RFTN1: variants seen among roughly 807,000 people sequenced by gnomAD.
RFTN1 encodes raftlin, lipid raft linker 1, also known as raftlin.
In RFTN1, 26 loss-of-function variants were observed where a neutral mutation model predicts 46.5. The observed-to-expected ratio is 0.56, with a 90% CI of 0.41 to 0.78. The LOEUF (loss-of-function observed/expected upper bound fraction) is 0.78, where lower values mean the gene tolerates loss of function less well. Ranked by LOEUF, RFTN1 falls within the 30% of genes least tolerant of loss-of-function variation. RFTN1 has a pLI of 0.00. For missense variants in RFTN1, 693 were observed against 718.7 expected (o/e 0.96, Z 0.41); for synonymous variants, 261 against 284.2 (o/e 0.92, Z 0.82).
At chr3:16,477,356 C>A (rs1286549766) in intron 2 of RFTN1, among the ~76,000 whole-genome samples, 1 of 152,138 alleles carries the variant, frequency 6.6e-6, no homozygotes, top group Non-Finnish European at 1.5e-5. Flanking sequence ...TTTTATTTTT[C>A]TGCTAGAGAG....
At chr3:16,318,884 A>G (rs555097474) in intron 9 of RFTN1, among the ~76,000 whole-genome samples, 11 of 152,202 alleles carry the variant, frequency 7.2e-5, no homozygotes, top group Non-Finnish European at 1.3e-4. Context: ...GAGGATCCCA[A>G]TAATGGAATC....
In RFTN1 at chr3:16,329,135, A is replaced by C. The variant is rs536309617; in HGVS notation, c.1147-2259T>G. 6.6e-6 allele frequency among the ~76,000 whole-genome samples: 1 copy of C among 152,324 alleles called. No individual in the cohort carries two copies. The highest frequency in any genetic ancestry group is 2.1e-4 in the South Asian group (1 of 4,828). On this transcript the variant is annotated intron_variant, in intron 7 of 9. Coordinates refer to ENST00000334133, the MANE Select transcript of RFTN1 (RefSeq NM_015150.2). The surrounding 1 kb of genome is among the most constrained non-coding windows in gnomAD (Gnocchi z 4.5). ...CTCAGGCAAAGGGCTTGAGGCTACAAGTTCAGTCTCCTGCTCTCTCCCCTC... is the reference window on the plus strand; with the variant it reads ...CTCAGGCAAAGGGCTTGAGGCTACACGTTCAGTCTCCTGCTCTCTCCCCTC...
chr3:16,435,917 A>ATATATATATATATAT (rs2075501448), intron 2 of RFTN1, among the ~76,000 whole-genome samples: 2 of 142,360 alleles, frequency 1.4e-5, no homozygotes, highest in African/African-American at 5.3e-5. Context: ...CAGAGATGTA[A>ATATATATATATATAT]ATATATATAT....
chr3:16,460,271 T>C lies in RFTN1; in HGVS notation c.146-26234A>G, dbSNP rs977661283. Among the ~76,000 whole-genome samples, 25 of 152,230 alleles carry C rather than the reference T, an allele frequency of 1.6e-4. No individual in the cohort carries two copies. Among genetic ancestry groups the C allele is most frequent in the Non-Finnish European group, 3.4e-4 (23 of 68,046 alleles). On this transcript the variant is annotated intron_variant, in intron 2 of 9. Coordinates refer to ENST00000334133, the MANE Select transcript of RFTN1 (RefSeq NM_015150.2). The surrounding 1 kb of genome is among the most constrained non-coding windows in gnomAD (Gnocchi z 4.8). Reference sequence around the variant, plus strand: ...TTTACTGGGATCTGGCAGGATGAGTTGCACATGGGTAGCATTTATATTAAC... The same window carrying C: ...TTTACTGGGATCTGGCAGGATGAGTCGCACATGGGTAGCATTTATATTAAC...
intron 8 of RFTN1, among the ~76,000 whole-genome samples, chr3:16,323,777 G>A (rs1243351852): frequency 6.6e-6 from 1 of 152,214 alleles, no homozygotes; most frequent in Admixed American, 6.5e-5. Context: ...ATCTCAAAGG[G>A]GCAGGGGCCT....
chr3:16,389,106 C>T (rs1286797212), intron 4 of RFTN1, among the ~76,000 whole-genome samples: 1 of 152,214 alleles, frequency 6.6e-6, no homozygotes. Flanking sequence ...TTCTTCCCCC[C>T]ACCATCCTCT....
intron 4 of RFTN1, among the ~76,000 whole-genome samples, chr3:16,390,473 C>T (rs892218526): frequency 9.9e-6 from 1 of 101,066 alleles, no homozygotes; most frequent in African/African-American, 2.9e-5. Context: ...AGCAGGTAGC[C>T]TTGAGGTAAA....
At chr3:16,416,291 CAG>C (rs926309755) in intron 3 of RFTN1, 35 of 431,942 alleles carry the variant, frequency 8.1e-5, no homozygotes, top group Admixed American at 6.4e-4. Context: ...TGCACATAAA[CAG>C]AGTGGTTCTG....
intron 4 of RFTN1, among the ~76,000 whole-genome samples, chr3:16,408,618 CACTAG>C (rs1360137461): frequency 7.6e-6 from 1 of 131,546 alleles, no homozygotes; most frequent in Non-Finnish European, 1.7e-5. Context: ...TCATATGGTT[CACTAG>C]TTCGGCTGTT....
At chr3:16,495,964 G>T (rs2076619063) in intron 1 of RFTN1, among the ~76,000 whole-genome samples, 1 of 152,150 alleles carries the variant, frequency 6.6e-6, no homozygotes, top group African/African-American at 2.4e-5. Context: ...CAAATATGGG[G>T]GTGGAGGCAA....
rs2075819758 is a variant in RFTN1 at position 16,451,315 on chromosome 3, A to G, written c.146-17278T>C. Among the ~76,000 whole-genome samples, 1 of 152,208 alleles carries G rather than the reference A, an allele frequency of 6.6e-6. No homozygotes were observed. The highest frequency in any genetic ancestry group is 1.5e-5 in the Non-Finnish European group (1 of 68,034). On this transcript the variant is annotated intron_variant, in intron 2 of 9. Transcript: ENST00000334133. The surrounding 1 kb of genome is among the most constrained non-coding windows in gnomAD (Gnocchi z 4.2). ...TTACCCACCACGTCAGATCCCCCAAAGCCTTCATTCCTTCCAGGACACATG... is the reference window on the plus strand; with the variant it reads ...TTACCCACCACGTCAGATCCCCCAAGGCCTTCATTCCTTCCAGGACACATG...
Position 16,468,458 on chromosome 3 carries a change from G to A in RFTN1, c.145+25267C>T, listed in dbSNP as rs567684250. Among the ~76,000 whole-genome samples, 134 of 152,170 alleles carry A rather than the reference G, an allele frequency of 8.8e-4. No homozygotes were observed. Among genetic ancestry groups the A allele is most frequent in the African/African-American group, 3.1e-3 (128 of 41,530 alleles). ...ACAACACTGACAGAGTGAAGGGCAC[G>A]TTTCTCCCTTTGGTGGGATTTTCTC... On this transcript the variant is annotated intron_variant, in intron 2 of 9. Transcript: ENST00000334133. The surrounding 1 kb of genome is among the most constrained non-coding windows in gnomAD (Gnocchi z 4.4).
chr3:16,454,570 T>A (rs1457097392), intron 2 of RFTN1, among the ~76,000 whole-genome samples: 2 of 152,216 alleles, frequency 1.3e-5, no homozygotes, highest in African/African-American at 4.8e-5. Context: ...CAGTTCCCAA[T>A]CAATTCATAA....
At chr3:16,485,232 T>G (rs1486395369) in intron 2 of RFTN1, among the ~76,000 whole-genome samples, 1 of 152,136 alleles carries the variant, frequency 6.6e-6, no homozygotes, top group African/African-American at 2.4e-5. Flanking sequence ...AGGAAAATGA[T>G]TCAACAAATT....
At chr3:16,354,790 T>C (rs1467712255) in intron 7 of RFTN1, among the ~76,000 whole-genome samples, 1 of 152,250 alleles carries the variant, frequency 6.6e-6, no homozygotes, top group African/African-American at 2.4e-5. Context: ...TCTCTCTTCC[T>C]GCATTTTACT....
At position 16,422,562 on chromosome 3, in the gene RFTN1, C is replaced by T. The variant is rs1055036022; in HGVS notation, c.332+11289G>A. Reference sequence around the variant, plus strand: ...AGGAGAATCACTTGAACCCGGGAGGCGGAAGTTGCAGTGAGCCGAGATTGT... The same window carrying T: ...AGGAGAATCACTTGAACCCGGGAGGTGGAAGTTGCAGTGAGCCGAGATTGT... On this transcript the variant is annotated intron_variant, in intron 3 of 9. Coordinates refer to ENST00000334133, the MANE Select transcript of RFTN1 (RefSeq NM_015150.2). This position sits in a 1 kb window ranked among gnomAD's most constrained non-coding sequence, Gnocchi z 4.6. 5.9e-5 allele frequency among the ~76,000 whole-genome samples: 9 copies of T among 151,442 alleles called. No homozygotes were observed. Among genetic ancestry groups the T allele is most frequent in the South Asian group, 2.1e-4 (1 of 4,790 alleles).
intron 4 of RFTN1, among the ~76,000 whole-genome samples, chr3:16,392,420 C>T (rs2074373405): frequency 6.6e-6 from 1 of 152,136 alleles, no homozygotes; most frequent in South Asian, 2.1e-4. Flanking sequence ...GGATCCCAGA[C>T]AGGAGGTGTC....
chr3:16,427,816 C>T lies in RFTN1; in HGVS notation c.332+6035G>A, dbSNP rs1325695831. On this transcript the variant is annotated intron_variant, in intron 3 of 9. Coordinates refer to ENST00000334133, the MANE Select transcript of RFTN1 (RefSeq NM_015150.2). The surrounding 1 kb of genome is among the most constrained non-coding windows in gnomAD (Gnocchi z 5.4). Reference sequence around the variant, plus strand: ...TCCCACTGTTTCTCTTTGGACACCACGTTCCACTTGTTCCACAATGTCAAT... The same window carrying T: ...TCCCACTGTTTCTCTTTGGACACCATGTTCCACTTGTTCCACAATGTCAAT... Among the ~76,000 whole-genome samples the T allele has an allele frequency of 1.3e-5, 2 of 152,142 alleles. No individual in the cohort carries two copies. The highest frequency in any genetic ancestry group is 6.5e-5 in the Admixed American group (1 of 15,280).
intron 7 of RFTN1, among the ~76,000 whole-genome samples, chr3:16,355,647 G>A (rs2347001): frequency 0.71 from 108,158 of 152,078 alleles, 38,567 homozygotes; most frequent in Non-Finnish European, 0.74. Context: ...ATCTATACCC[G>A]CCCTGGTTCT....
Sources: gnomAD v4.1 joint callset for allele counts (sites outside exome capture counted in the v4.1 genomes callset) on GRCh38, gnomAD v4.1.1 for gene constraint, Gnocchi (gnomAD v3.1) non-coding constraint, MANE v1.5 for transcripts, NCBI Gene and HGNC (gene_info 2026-07-23, HGNC 2026-07-21) for gene names.